Variants in ITGB8 observed in about 807,000 individuals in gnomAD.
ITGB8 encodes the protein integrin subunit beta 8.
ITGB8 carries 30 observed loss-of-function variants against 89.5 expected under a neutral mutation model. That is an observed-to-expected ratio of 0.34 (90% confidence interval 0.25 to 0.45). The LOEUF (loss-of-function observed/expected upper bound fraction) is 0.45, where lower values mean the gene tolerates loss of function less well. Ranked by LOEUF, ITGB8 falls within the 20% of genes least tolerant of loss-of-function variation. ITGB8 has a pLI of 1.00. For synonymous variants in ITGB8, 335 were observed against 320.4 expected (o/e 1.05, Z -0.49); for missense variants, 836 against 933.3 (o/e 0.90, Z 1.36).
chr7:20,380,937 G>A, intron 5 of ITGB8, 106 bp downstream of exon 5: 2 of 968,940 alleles, frequency 2.1e-6, no homozygotes, highest in Non-Finnish European at 3.1e-6. Context: ...TAGTGTAGAA[G>A]AAAACATATC....
chr7:20,400,896 A>C (rs1273074907), intron 9 of ITGB8, among the ~76,000 whole-genome samples: 1 of 152,144 alleles, frequency 6.6e-6, no homozygotes, highest in Non-Finnish European at 1.5e-5. Context: ...TAACTCCGAA[A>C]CTTTACTTGG....
intron 1 of ITGB8, among the ~76,000 whole-genome samples, chr7:20,339,373 AT>A (rs903934576): frequency 6.6e-6 from 1 of 152,188 alleles, no homozygotes; most frequent in African/African-American, 2.4e-5. Flanking sequence ...CTTAAAGTGA[AT>A]CTTAATGTGA....
chr7:20,399,622 A>C (rs1235278361), intron 9 of ITGB8, among the ~76,000 whole-genome samples: 1 of 151,770 alleles, frequency 6.6e-6, no homozygotes, highest in African/African-American at 2.4e-5. Context: ...CAGTATCAGG[A>C]AACAGCACCA....
intron 3 of ITGB8, among the ~76,000 whole-genome samples, chr7:20,371,323 C>T (rs1404359644): frequency 6.6e-6 from 1 of 151,922 alleles, no homozygotes; most frequent in Non-Finnish European, 1.5e-5. Flanking sequence ...AAAGATAAAG[C>T]AAAATTATCA....
intron 3 of ITGB8, among the ~76,000 whole-genome samples, chr7:20,370,073 C>A (rs1785865528): frequency 6.6e-6 from 1 of 151,172 alleles, no homozygotes; most frequent in Non-Finnish European, 1.5e-5. Context: ...GAAAAGAGTT[C>A]CTAAATTTAA....
At chr7:20,345,214 T>C (rs1044141449) in intron 1 of ITGB8, among the ~76,000 whole-genome samples, 3 of 152,180 alleles carry the variant, frequency 2.0e-5, no homozygotes, top group African/African-American at 4.8e-5. Flanking sequence ...TAGGAGGATA[T>C]TGACATTGTA....
chr7:20,371,103 G>A (rs1785918205), intron 3 of ITGB8, among the ~76,000 whole-genome samples: 1 of 152,076 alleles, frequency 6.6e-6, no homozygotes, highest in African/African-American at 2.4e-5. Context: ...TGGAATTGAT[G>A]TATTTTTATG....
intron 2 of ITGB8, chr7:20,365,221 G>C (rs928483467): frequency 6.6e-6 from 1 of 152,396 alleles, no homozygotes; most frequent in African/African-American, 2.4e-5. Flanking sequence ...AAGTCAAGGA[G>C]AAAGGAGGTG....
intron 1 of ITGB8, among the ~76,000 whole-genome samples, chr7:20,337,333 A>C (rs1784608900): frequency 6.6e-6 from 1 of 152,326 alleles, no homozygotes; most frequent in Non-Finnish European, 1.5e-5. Context: ...CTAAATACTT[A>C]AAAAATTAAT....
intron 8 of ITGB8, among the ~76,000 whole-genome samples, chr7:20,396,172 T>C (rs7783475): frequency 0.91 from 139,057 of 152,236 alleles, 63,539 homozygotes; most frequent in East Asian, 0.99. Flanking sequence ...GGCGCGGTGG[T>C]TCATGCCTGT....
intron 1 of ITGB8, among the ~76,000 whole-genome samples, chr7:20,336,729 T>C (rs1298372104): frequency 6.6e-6 from 1 of 152,110 alleles, no homozygotes; most frequent in Non-Finnish European, 1.5e-5. Context: ...TCATACAACT[T>C]CCTCCCAGCT....
chr7:20,342,000 A>G (rs1454846664), intron 1 of ITGB8, among the ~76,000 whole-genome samples: 1 of 152,146 alleles, frequency 6.6e-6, no homozygotes, highest in African/African-American at 2.4e-5. Context: ...CTCACAGGGC[A>G]AACTTCTCAG....
chr7:20,350,569 T>C (rs1476848523), intron 1 of ITGB8, among the ~76,000 whole-genome samples: 1 of 152,200 alleles, frequency 6.6e-6, no homozygotes, highest in Non-Finnish European at 1.5e-5. Context: ...TCATTGTAAG[T>C]TGCACTCTAC....
chr7:20,406,277 G>A, intron 12 of ITGB8, 106 bp downstream of exon 12: 2 of 740,790 alleles, frequency 2.7e-6, no homozygotes, highest in Admixed American at 2.2e-5. Flanking sequence ...TGGGCCGGGT[G>A]TGGTGGCTCA....
chr7:20,376,267 T>C (rs1786140276), intron 3 of ITGB8, among the ~76,000 whole-genome samples: 1 of 152,154 alleles, frequency 6.6e-6, no homozygotes, highest in African/African-American at 2.4e-5. Flanking sequence ...TGATGGGAAG[T>C]GGAGATTTTC....
At chr7:20,352,280 T>A (rs1785139308) in intron 1 of ITGB8, 1 of 152,240 alleles carries the variant, frequency 6.6e-6, no homozygotes, top group Non-Finnish European at 1.5e-5. Context: ...CCCATCTTTC[T>A]TCCTGTTTCT....
rs977129792 is a variant in ITGB8, at chr7:20,406,110, T to C, written c.1962T>C (p.Leu654=). Residue 654 remains leucine, a synonymous_variant, in exon 12 of 14, where the codon CTT becomes CTC. Transcript: ENST00000222573. ...CTCACAATTTGTCTCAGGCTATACTTGATCAGTGCAAAACCTCATGTGCTC... is the reference window on the plus strand; with the variant it reads ...CTCACAATTTGTCTCAGGCTATACTCGATCAGTGCAAAACCTCATGTGCTC... ...LHPHNLSQAI[L]DQCKTSCALM... is the part of the protein sequence containing the mutation. The C allele has an allele frequency of 5.6e-6, 9 of 1,613,634 alleles. No individual in the cohort carries two copies. Among genetic ancestry groups the C allele is most frequent in the African/African-American group, 1.3e-5 (1 of 74,924 alleles).
rs892775478 is a variant in ITGB8 at position 20,413,512 on chromosome 7, G to A, written c.*3515G>A. On this transcript the variant is annotated 3_prime_UTR_variant, in exon 14 of 14. Transcript: ENST00000222573. ...CTGGTAGAGTAGATTAGACTCAAAGGCTTTTTCTTCCTTTTCTTACTCCTG... is the reference window on the plus strand; with the variant it reads ...CTGGTAGAGTAGATTAGACTCAAAGACTTTTTCTTCCTTTTCTTACTCCTG... The A allele has an allele frequency of 4.6e-5, 7 of 152,308 alleles. No individual in the cohort carries two copies. Among genetic ancestry groups the A allele is most frequent in the Non-Finnish European group, 1.0e-4 (7 of 67,878 alleles). 9.4% of individuals were successfully genotyped at this position (152,308 alleles called of 1,614,324 possible).
intron 2 of ITGB8, among the ~76,000 whole-genome samples, chr7:20,364,147 C>A (rs1785606508): frequency 2.6e-5 from 4 of 152,128 alleles, no homozygotes; most frequent in Admixed American, 2.6e-4. Context: ...CTTAGTAAAA[C>A]AATTACAATG....
Sources: allele counts gnomAD v4.1 joint callset (sites outside exome capture counted in the v4.1 genomes callset), GRCh38; gene constraint gnomAD v4.1.1; transcripts MANE v1.5; gene names NCBI Gene and HGNC (gene_info 2026-07-23, HGNC 2026-07-21).